Variants in ANTXR2 observed in about 807,000 individuals in gnomAD.
ANTXR2 encodes anthrax toxin receptor 2.
A neutral mutation model predicts 73.7 loss-of-function variants in ANTXR2; 44 were observed. The observed-to-expected ratio is 0.60, with a 90% CI of 0.47 to 0.77. The LOEUF (loss-of-function observed/expected upper bound fraction) is 0.77. ANTXR2 is among the 30% of genes least tolerant of loss of function. The pLI is 0.00. For missense variants in ANTXR2, 604 were observed against 592.5 expected, an observed-to-expected ratio of 1.02 and a Z score of -0.20; for synonymous variants, 217 against 205.9, an observed-to-expected ratio of 1.05 and a Z score of -0.46.
rs1361864937 is a variant in ANTXR2 at position 79,902,826 on chromosome 4, C to T, written c.*4603G>A. ...GATACAAATATGAGATACAAAAATACTAAAACCTCCAACCTAACCATATTA... is the reference window on the plus strand; with the variant it reads ...GATACAAATATGAGATACAAAAATATTAAAACCTCCAACCTAACCATATTA... On this transcript the variant is annotated 3_prime_UTR_variant, in exon 17 of 17. Transcript: ENST00000403729. 5 of 151,324 alleles carry T rather than the reference C, an allele frequency of 3.3e-5. No homozygotes were observed. Among genetic ancestry groups the T allele is most frequent in the Admixed American group, 3.3e-4 (5 of 15,164 alleles). The allele number at this position is 151,324 out of a possible 1,614,324, so 9.4% of individuals were successfully genotyped here. A position where few individuals can be genotyped will look rare whatever the true frequency, so the allele number is the denominator to read the frequency against.
chr4:79,960,459 T>C (rs920631334), intron 16 of ANTXR2, among the ~76,000 whole-genome samples: 14 of 152,116 alleles, frequency 9.2e-5, no homozygotes, highest in African/African-American at 2.9e-4. Flanking sequence ...AATAAAATTA[T>C]TGTGAAATGG....
chr4:79,921,392 A>T (rs1398964289), intron 16 of ANTXR2, among the ~76,000 whole-genome samples: 1 of 152,030 alleles, frequency 6.6e-6, no homozygotes, highest in Non-Finnish European at 1.5e-5. Flanking sequence ...AAAGCAATGT[A>T]TACTGTCCTA....
At chr4:79,995,942 GTGT>G (rs1223096503) in intron 12 of ANTXR2, among the ~76,000 whole-genome samples, 1 of 151,982 alleles carries the variant, frequency 6.6e-6, no homozygotes, top group Non-Finnish European at 1.5e-5. Flanking sequence ...GCTCATCTGT[GTGT>G]TGTTAACACT....
In ANTXR2 at chr4:80,072,619, C is replaced by T. The variant is rs1734864346; in HGVS notation, c.-59G>A. 2 of 1,390,388 alleles carry T rather than the reference C, an allele frequency of 1.4e-6. No homozygotes were observed. Among genetic ancestry groups the T allele is most frequent in the African/African-American group, 1.5e-5 (1 of 65,882 alleles). The allele number at this position is 1,390,388 out of a possible 1,614,324, so 86.1% of individuals were successfully genotyped here. On this transcript the variant is annotated 5_prime_UTR_variant, in exon 1 of 17. Coordinates refer to ENST00000403729, the MANE Select transcript of ANTXR2 (RefSeq NM_058172.6). ...CGCAGTCCCCTAAGCTCAGGAGGGTCGCAAAGGTGGCGGGAGTCACCCGGC... is the reference window on the plus strand; with the variant it reads ...CGCAGTCCCCTAAGCTCAGGAGGGTTGCAAAGGTGGCGGGAGTCACCCGGC...
Position 79,907,476 on chromosome 4 carries a change from A to G in ANTXR2, c.1429-9T>C. The G allele has an allele frequency of 1.9e-6, 3 of 1,612,452 alleles. No individual in the cohort carries two copies. The highest frequency in any genetic ancestry group is 4.5e-5 in the East Asian group (2 of 44,814). On this transcript the variant is annotated splice_polypyrimidine_tract_variant and intron_variant, in intron 16 of 16. Coordinates refer to ENST00000403729, the MANE Select transcript of ANTXR2 (RefSeq NM_058172.6). Reference sequence around the variant, plus strand: ...AAGTTTATGCACCGGCCCTGAAGAAAGAAATAAATCCATATTGAAATATTG... The same window carrying G: ...AAGTTTATGCACCGGCCCTGAAGAAGGAAATAAATCCATATTGAAATATTG...
chr4:79,934,858 T>C lies in ANTXR2; in HGVS notation c.1429-27391A>G, dbSNP rs1284545990. Among the ~76,000 whole-genome samples the C allele has an allele frequency of 3.4e-5, 5 of 148,198 alleles. No individual in the cohort carries two copies. The East Asian group carries it at 8.0e-4, about 24-fold the overall frequency. On this transcript the variant is annotated intron_variant, in intron 16 of 16. Coordinates refer to ENST00000403729, the MANE Select transcript of ANTXR2 (RefSeq NM_058172.6). ...CAAGTTTCAAAAAAAAAAAAAAAAC[T>C]GTCTACTCAGCAGTTCTTTCATGAA...
chr4:80,022,157 A>C (rs1732195682), intron 10 of ANTXR2, among the ~76,000 whole-genome samples: 1 of 152,062 alleles, frequency 6.6e-6, no homozygotes, highest in South Asian at 2.1e-4. Context: ...CTTATATTTA[A>C]ATTTCTCTCA....
At chr4:80,061,616 C>T (rs183863741) in intron 3 of ANTXR2, among the ~76,000 whole-genome samples, 11 of 151,996 alleles carry the variant, frequency 7.2e-5, no homozygotes, top group Non-Finnish European at 1.5e-4. Flanking sequence ...GAATATGAAA[C>T]GAAAATGTTC....
intron 16 of ANTXR2, among the ~76,000 whole-genome samples, chr4:79,915,090 C>G (rs578011584): frequency 1.3e-5 from 2 of 152,174 alleles, no homozygotes; most frequent in African/African-American, 4.8e-5. Flanking sequence ...TGACATTTTC[C>G]CAGAAATTGT....
intron 7 of ANTXR2, among the ~76,000 whole-genome samples, chr4:80,049,651 A>G (rs1234625723): frequency 6.6e-6 from 1 of 151,634 alleles, no homozygotes; most frequent in Non-Finnish European, 1.5e-5. Context: ...ATTTTGTACA[A>G]TAACCCTCTT....
intron 7 of ANTXR2, among the ~76,000 whole-genome samples, chr4:80,048,846 G>A (rs944455061): frequency 2.6e-5 from 4 of 151,598 alleles, no homozygotes; most frequent in Non-Finnish European, 4.4e-5. Flanking sequence ...GTGAAATGAA[G>A]CTTATATCTC....
chr4:80,055,909 T>C (rs1733973644), intron 4 of ANTXR2, 23 bp downstream of exon 4: 5 of 1,451,970 alleles, frequency 3.4e-6, no homozygotes, highest in Non-Finnish European at 3.7e-6. Context: ...CTCTCCCATA[T>C]TTACAAATGT....
chr4:79,944,669 G>C (rs1330396055), intron 16 of ANTXR2, among the ~76,000 whole-genome samples: 1 of 152,072 alleles, frequency 6.6e-6, no homozygotes, highest in Non-Finnish European at 1.5e-5. Flanking sequence ...CATATGGTTG[G>C]TACACATATA....
chr4:80,035,032 G>C (rs1350204423), intron 8 of ANTXR2, among the ~76,000 whole-genome samples: 4 of 152,106 alleles, frequency 2.6e-5, no homozygotes, highest in Non-Finnish European at 5.9e-5. Context: ...GTAAACCAGG[G>C]ATGTATAAAA....
chr4:80,014,442 T>C (rs1031949378), intron 11 of ANTXR2, among the ~76,000 whole-genome samples: 1 of 151,950 alleles, frequency 6.6e-6, no homozygotes, highest in African/African-American at 2.4e-5. Context: ...GGCACACACC[T>C]GTAATCCCAG....
chr4:79,973,340 T>C lies in ANTXR2; in HGVS notation c.1428+4281A>G, dbSNP rs774839462. ...AAATGTAGGTTCAGGTTTATATGTG[T>C]GTGGGATAGGGAATTTATATGGGAG... On this transcript the variant is annotated intron_variant, in intron 16 of 16. Transcript: ENST00000403729. Among the ~76,000 whole-genome samples, 3 of 120,770 alleles carry C rather than the reference T, an allele frequency of 2.5e-5. No individual in the cohort carries two copies. The Admixed American group carries it at 3.0e-4, about 12-fold the overall frequency. The allele number at this position is 120,770 out of a possible 152,430, so 79.2% of individuals were successfully genotyped here.
rs566579130 is a variant in ANTXR2, at chr4:79,909,339, G to A, written c.1429-1872C>T. Among the ~76,000 whole-genome samples the A allele has an allele frequency of 2.0e-4, 31 of 152,100 alleles. No homozygotes were observed. In the East Asian group the frequency reaches 4.6e-3, roughly 23 times the overall value. On this transcript the variant is annotated intron_variant, in intron 16 of 16. Transcript: ENST00000403729. Reference sequence around the variant, plus strand: ...TAATGATTCTTCTGTGACCACTTCCGTTCTATATACCATATTAACTTTAGT... The same window carrying A: ...TAATGATTCTTCTGTGACCACTTCCATTCTATATACCATATTAACTTTAGT...
Position 79,978,134 on chromosome 4 carries a change from C to T in ANTXR2, c.1220G>A (p.Arg407Lys). 1 of 1,613,860 alleles carries T rather than the reference C, an allele frequency of 6.2e-7. No individual in the cohort carries two copies. Among genetic ancestry groups the T allele is most frequent in the Non-Finnish European group, 8.5e-7 (1 of 1,179,860 alleles). ...CACAGCATTTTTGGCTTTCTCTAGC[C>T]TTGCACCTTCCTCAGTAGATCCTTT... The part of the protein sequence containing the change: ...GDKGSTEEGA[R>K]LEKAKNAVVK... The change falls in exon 15 of 17, where the codon AGG becomes AAG. Residue 407 changes from arginine to lysine, a missense_variant. Transcript: ENST00000403729.
intron 16 of ANTXR2, among the ~76,000 whole-genome samples, chr4:79,919,873 AT>A (rs1403996591): frequency 0.012 from 61 of 5,234 alleles, no homozygotes; most frequent in African/African-American, 0.049. Context: ...TTTTATATAT[AT>A]ATATATATAT....
Sources: allele counts gnomAD v4.1 joint callset (sites outside exome capture counted in the v4.1 genomes callset), GRCh38; gene constraint gnomAD v4.1.1; transcripts MANE v1.5; gene names NCBI Gene and HGNC (gene_info 2026-07-23, HGNC 2026-07-21).